CPAP: variants seen among roughly 807,000 people sequenced by gnomAD.
CPAP encodes centrosome assembly and centriole elongation protein, also known as centrosomal P4.1-associated protein.
the CPAP span, among the ~76,000 whole-genome samples, chr13:24,896,403 A>G: frequency 6.6e-6 from 1 of 152,358 alleles, no homozygotes; most frequent in East Asian, 1.9e-4. Context: ...GCAGTGTGGC[A>G]GCCACCAGCC....
At chr13:24,922,989 G>C in the CPAP span, 1 of 152,314 alleles carries the variant, frequency 6.6e-6, no homozygotes, top group South Asian at 2.1e-4. Flanking sequence ...TTGCCCGGCG[G>C]GGGATGGACT....
At chr13:24,902,757 C>T in the CPAP span, among the ~76,000 whole-genome samples, 1 of 152,122 alleles carries the variant, frequency 6.6e-6, no homozygotes, top group African/African-American at 2.4e-5. Context: ...TGGACACTAA[C>T]GAAAGACTTG....
chr13:24,885,256 T>C, the CPAP span: 8 of 1,468,624 alleles, frequency 5.4e-6, no homozygotes, highest in Non-Finnish European at 5.7e-6. Context: ...GAATTCATTA[T>C]TTCAAAAACA....
chr13:24,901,167 A>G, the CPAP span, among the ~76,000 whole-genome samples: 1 of 152,212 alleles, frequency 6.6e-6, no homozygotes, highest in African/African-American at 2.4e-5. Context: ...CTGACTATTC[A>G]AAATGTCGAC....
At chr13:24,929,861 C>T in the CPAP span, among the ~76,000 whole-genome samples, 2 of 147,528 alleles carry the variant, frequency 1.4e-5, no homozygotes, top group South Asian at 4.3e-4. Context: ...TTGCTCATTC[C>T]TTCTTTAACC....
At chr13:24,908,059 T>G in the CPAP span, 1 of 1,613,168 alleles carries the variant, frequency 6.2e-7, no homozygotes, top group Non-Finnish European at 8.5e-7. Context: ...CATCATGTTT[T>G]TGTAAGTTCT....
At chr13:24,882,505 T>C in the CPAP span, 2 of 152,190 alleles carry the variant, frequency 1.3e-5, no homozygotes, top group African/African-American at 2.4e-5. Context: ...AACATCAGGG[T>C]AGCTGTGGTC....
At chr13:24,912,295 C>G in the CPAP span, among the ~76,000 whole-genome samples, 1 of 152,202 alleles carries the variant, frequency 6.6e-6, no homozygotes, top group Non-Finnish European at 1.5e-5. Flanking sequence ...TCATATAAAT[C>G]CTTTGATTGT....
the CPAP span, among the ~76,000 whole-genome samples, chr13:24,915,802 AAACAAC>A: frequency 1.3e-3 from 198 of 151,958 alleles, no homozygotes; most frequent in African/African-American, 4.6e-3. Context: ...TCCATCTCGA[AAACAAC>A]AACAACAACA....
At chr13:24,921,568 A>G in the CPAP span, among the ~76,000 whole-genome samples, 1 of 152,230 alleles carries the variant, frequency 6.6e-6, no homozygotes, top group Non-Finnish European at 1.5e-5. Flanking sequence ...AATAATTTGT[A>G]AAAACTTTTT....
the CPAP span, among the ~76,000 whole-genome samples, chr13:24,913,288 G>C: frequency 6.6e-6 from 1 of 151,876 alleles, no homozygotes; most frequent in Non-Finnish European, 1.5e-5. Context: ...GATCAAAAAC[G>C]TAAGATCCTT....
the CPAP span, chr13:24,926,023 C>T: frequency 6.6e-6 from 1 of 152,380 alleles, no homozygotes; most frequent in East Asian, 1.9e-4. Context: ...CCGCTAGTGC[C>T]AAGCAGTCCC....
the CPAP span, among the ~76,000 whole-genome samples, chr13:24,918,528 T>C: frequency 6.6e-6 from 1 of 152,220 alleles, no homozygotes; most frequent in East Asian, 1.9e-4. Context: ...TCAATAACAG[T>C]TAACACATAT....
chr13:24,925,322 G>A, the CPAP span, among the ~76,000 whole-genome samples: 1 of 152,144 alleles, frequency 6.6e-6, no homozygotes, highest in Non-Finnish European at 1.5e-5. Context: ...ACAAAGAGTT[G>A]ACAGCTTTTC....
chr13:24,885,648 C>T, the CPAP span: 1 of 1,613,040 alleles, frequency 6.2e-7, no homozygotes, highest in East Asian at 2.2e-5. Context: ...GAGGTGCAGA[C>T]TTGGATCTTC....
chr13:24,883,106 A>C, the CPAP span: 1 of 1,314,858 alleles, frequency 7.6e-7, no homozygotes, highest in Non-Finnish European at 1.1e-6. Context: ...AATTAAACAG[A>C]ATCCACAGTA....
chr13:24,899,459 G>A, the CPAP span: 1 of 1,613,650 alleles, frequency 6.2e-7, no homozygotes, highest in Non-Finnish European at 8.5e-7. Flanking sequence ...AAAAGTTCTT[G>A]CAGCTGTAGT....
chr13:24,884,421 G>A, the CPAP span: 1 of 1,614,026 alleles, frequency 6.2e-7, no homozygotes, highest in African/African-American at 1.3e-5. Context: ...GTTCCATTGG[G>A]AAACAGTATA....
At chr13:24,933,083 A>G in the CPAP span, 7 of 1,590,954 alleles carry the variant, frequency 4.4e-6, no homozygotes. Flanking sequence ...AAAAAGCTAC[A>G]AACTGACATT....
Sources: allele counts gnomAD v4.1 joint callset (sites outside exome capture counted in the v4.1 genomes callset), GRCh38; gene constraint gnomAD v4.1.1; transcripts MANE v1.5; gene names NCBI Gene and HGNC (gene_info 2026-07-23, HGNC 2026-07-21).